SDCBP: variants seen among roughly 807,000 people sequenced by gnomAD.
The protein encoded by SDCBP is syndecan binding protein, also known as syntenin-1.
In SDCBP, 22 loss-of-function variants were observed where a neutral mutation model predicts 30.5. That is an observed-to-expected ratio of 0.72 (90% CI 0.52 to 1.03). The LOEUF is 1.03. Ranked by LOEUF, SDCBP falls within the 50% of genes least tolerant of loss-of-function variation. The pLI is 0.00. For synonymous variants in SDCBP, 103 were observed against 118.7 expected (o/e 0.87, Z 0.86); for missense variants, 304 against 369.9 (o/e 0.82, Z 1.46).
intron 8 of SDCBP, among the ~76,000 whole-genome samples, chr8:58,581,258 T>C (rs909411216): frequency 6.6e-6 from 1 of 152,206 alleles, no homozygotes; most frequent in Non-Finnish European, 1.5e-5. Flanking sequence ...TGTAATGAAA[T>C]TTTTGTGTTG....
chr8:58,571,184 T>G (rs1233448511), intron 3 of SDCBP, among the ~76,000 whole-genome samples: 1 of 152,196 alleles, frequency 6.6e-6, no homozygotes, highest in Non-Finnish European at 1.5e-5. Flanking sequence ...CATGGCTTAA[T>G]GAAAATTAAT....
chr8:58,553,494 GC>G (rs1201197323), intron 1 of SDCBP, among the ~76,000 whole-genome samples, 191 bp downstream of exon 1: 26 of 152,024 alleles, frequency 1.7e-4, no homozygotes, highest in Non-Finnish European at 1.0e-4. Flanking sequence ...GGCTGGGGGG[GC>G]AAGTTTGCGG....
In SDCBP at chr8:58,553,487, TG is replaced by T. The variant is rs1012403019; in HGVS notation, c.-16+191del. The stretch of plus-strand genomic sequence containing the variant: ...GCGCCCCTCCCTGCGCCCTGCTGGC[TG>T]GGGGGGCAAGTTTGCGGGAGCAGCG... On this transcript the variant is annotated intron_variant, in intron 1 of 8. Transcript: ENST00000260130. Among the ~76,000 whole-genome samples the T allele has an allele frequency of 1.1e-4, 16 of 150,892 alleles. No homozygotes were observed. In the East Asian group the frequency reaches 3.2e-3, roughly 30 times the overall value.
At position 58,578,139 on chromosome 8, in the gene SDCBP, G is replaced by A; in HGVS notation, c.509G>A (p.Ser170Asn). 1 of 1,611,884 alleles carries A rather than the reference G, an allele frequency of 6.2e-7. No individual in the cohort carries two copies. Among genetic ancestry groups the A allele is most frequent in the East Asian group, 2.2e-5 (1 of 44,698 alleles). The change falls in exon 6 of 9, where the codon AGC becomes AAC. Residue 170 changes from serine (S) to asparagine (N), a missense_variant. Ser to Asn is a conservative substitution (Grantham distance 46). Transcript: ENST00000260130. ...AATGGTGAAAACTGTGCAGGATGGA[G>A]CTCTGATAAAGCGCACAAGGTGCTC... ...QINGENCAGWSSDKAHKVLKQ... is the reference protein window; with the variant it reads ...QINGENCAGWNSDKAHKVLKQ...
intron 2 of SDCBP, among the ~76,000 whole-genome samples, chr8:58,565,855 G>A (rs1274320309): frequency 4.6e-5 from 7 of 151,982 alleles, no homozygotes; most frequent in East Asian, 1.9e-4. Context: ...TTCTTCAGCC[G>A]TTGTTTATTG....
intron 4 of SDCBP, among the ~76,000 whole-genome samples, chr8:58,574,962 A>G (rs148804131): frequency 0.019 from 2,887 of 152,260 alleles, 48 homozygotes; most frequent in African/African-American, 0.042. Flanking sequence ...AGATCTCCAG[A>G]ACGTACTCAT....
intron 3 of SDCBP, 48 bp downstream of exon 3, chr8:58,571,013 T>C (rs752329396): frequency 7.9e-6 from 11 of 1,399,448 alleles, no homozygotes; most frequent in African/African-American, 5.7e-5. Flanking sequence ...AATATTGTTA[T>C]CTTCTTTTGC....
intron 1 of SDCBP, among the ~76,000 whole-genome samples, chr8:58,559,099 A>G (rs950320123): frequency 3.5e-4 from 53 of 152,244 alleles, no homozygotes; most frequent in African/African-American, 1.2e-3. Flanking sequence ...TTGAAAGTCC[A>G]TTTTTCTTCT....
At chr8:58,581,617 G>A in intron 8 of SDCBP, 69 bp from the exon 9 acceptor site, 1 of 1,153,820 alleles carries the variant, frequency 8.7e-7, no homozygotes, top group Non-Finnish European at 1.3e-6. Flanking sequence ...GAATTTTCTT[G>A]GATTAATGTA....
intron 1 of SDCBP, among the ~76,000 whole-genome samples, chr8:58,557,047 CTTA>C (rs1218687823): frequency 4.8e-4 from 62 of 129,002 alleles, no homozygotes; most frequent in African/African-American, 1.5e-3. Flanking sequence ...ATAAGATATA[CTTA>C]TTATATACTA....
intron 4 of SDCBP, among the ~76,000 whole-genome samples, chr8:58,574,862 GGT>G (rs766419791): frequency 2.0e-5 from 3 of 152,022 alleles, no homozygotes; most frequent in Non-Finnish European, 4.4e-5. Flanking sequence ...CATTTCTTTT[GGT>G]GTGTGGTGAG....
At chr8:58,575,775 C>A in intron 4 of SDCBP, 125 bp from the exon 5 acceptor site, 3 of 745,730 alleles carry the variant, frequency 4.0e-6, no homozygotes, top group Non-Finnish European at 6.7e-6. Context: ...CAAACTTTAT[C>A]GGAAGGAAAT....
intron 1 of SDCBP, among the ~76,000 whole-genome samples, chr8:58,555,243 G>A (rs1165018775): frequency 6.6e-6 from 1 of 152,110 alleles, no homozygotes; most frequent in Non-Finnish European, 1.5e-5. Context: ...TTCAGGTTTT[G>A]AGACCTGAAG....
At chr8:58,563,660 A>G (rs78818154) in intron 1 of SDCBP, among the ~76,000 whole-genome samples, 2,577 of 152,288 alleles carry the variant, frequency 0.017, 32 homozygotes, top group African/African-American at 0.035. Flanking sequence ...CAGAATTACT[A>G]GTTATAACAT....
At chr8:58,561,673 A>AT in intron 1 of SDCBP, 1 of 605,940 alleles carries the variant, frequency 1.7e-6, no homozygotes, top group Non-Finnish European at 2.9e-6. Flanking sequence ...CATCACCACT[A>AT]TATCTGACTT....
chr8:58,558,991 CAGTG>C (rs771963047), intron 1 of SDCBP, among the ~76,000 whole-genome samples: 1 of 152,156 alleles, frequency 6.6e-6, no homozygotes, highest in Non-Finnish European at 1.5e-5. Context: ...ATTTAAAAAA[CAGTG>C]AGAGTTAATT....
At position 58,579,672 on chromosome 8, in the gene SDCBP, G is replaced by A. The variant is rs1805567977; in HGVS notation, c.628G>A (p.Gly210Ser). ...TMHKDSTGHVGFIFKNGKITS... is the reference protein window; with the variant it reads ...TMHKDSTGHVSFIFKNGKITS... ...GCATAAGGATAGCACTGGACATGTTGGTTTTATCTTTAAAAATGGAAAAAT... is the reference window on the plus strand; with the variant it reads ...GCATAAGGATAGCACTGGACATGTTAGTTTTATCTTTAAAAATGGAAAAAT... Residue 210 changes from glycine (G) to serine (S), a missense_variant, in exon 7 of 9, where the codon GGT becomes AGT. Gly to Ser is a moderately conservative substitution (Grantham distance 56). Transcript: ENST00000260130. 1 of 1,611,302 alleles carries A rather than the reference G, an allele frequency of 6.2e-7. No individual in the cohort carries two copies. Among genetic ancestry groups the A allele is most frequent in the African/African-American group, 1.3e-5 (1 of 74,918 alleles).
At chr8:58,579,161 G>A (rs1805526206) in intron 6 of SDCBP, among the ~76,000 whole-genome samples, 1 of 152,056 alleles carries the variant, frequency 6.6e-6, no homozygotes, top group Admixed American at 6.6e-5. Context: ...AGATAGCAAT[G>A]TATAAAATTT....
chr8:58,576,091 G>T (rs1279195359), intron 5 of SDCBP, 30 bp downstream of exon 5: 1 of 1,499,956 alleles, frequency 6.7e-7, no homozygotes, highest in Non-Finnish European at 9.2e-7. Flanking sequence ...ATTTGAATTT[G>T]TCTAAATCTC....
Sources: gnomAD v4.1 joint callset for allele counts (sites outside exome capture counted in the v4.1 genomes callset) on GRCh38, gnomAD v4.1.1 for gene constraint, MANE v1.5 for transcripts, NCBI Gene and HGNC (gene_info 2026-07-23, HGNC 2026-07-21) for gene names.